The following TOPORS variants were observed in gnomAD, a reference collection of about 807,000 sequenced individuals.
The protein encoded by TOPORS is E3 ubiquitin-protein ligase Topors.
Under a neutral mutation model 81.4 loss-of-function variants are expected in TOPORS, and 25 were observed. That is an observed-to-expected ratio of 0.31 (90% confidence interval 0.22 to 0.43). TOPORS has a LOEUF of 0.43. Among genes scored for constraint, TOPORS ranks in the 20% least tolerant of loss-of-function variants. The probability of loss-of-function intolerance (pLI) is 1.00; values close to 1 mark genes in which losing one functional copy is unlikely to be tolerated. For missense variants in TOPORS, 1,101 were observed against 1,267.0 expected, an observed-to-expected ratio of 0.87 and a Z score of 1.99; for synonymous variants, 473 against 456.6, an observed-to-expected ratio of 1.04 and a Z score of -0.46.
chr9:32,551,909 T>C (rs1821276908), intron 1 of TOPORS: 2 of 351,780 alleles, frequency 5.7e-6, no homozygotes, highest in African/African-American at 2.1e-5. Flanking sequence ...TTGTCACATA[T>C]AAAAGAGTGG....
Position 32,540,789 on chromosome 9 carries a change from ACT to A in TOPORS, c.*596_*597del, listed in dbSNP as rs1397985580. 2.6e-5 allele frequency: 4 copies of A among 152,626 alleles called. No individual in the cohort carries two copies. Among genetic ancestry groups the A allele is most frequent in the African/African-American group, 9.6e-5 (4 of 41,464 alleles). 9.5% of individuals were successfully genotyped at this position (152,626 alleles called of 1,614,324 possible). A position where few individuals can be genotyped will look rare whatever the true frequency, so the allele number is the denominator to read the frequency against. The stretch of plus-strand genomic sequence containing the variant: ...TGTCTGATTCTTGTTTTAAAGTGTT[ACT>A]GTTTTATTTTTTTTCTTTTGTTGAA... On this transcript the variant is annotated 3_prime_UTR_variant, in exon 3 of 3. Coordinates refer to ENST00000360538, the MANE Select transcript of TOPORS (RefSeq NM_005802.5).
At chr9:32,545,067 T>TA (rs1312610809) in intron 2 of TOPORS, among the ~76,000 whole-genome samples, 3 of 152,228 alleles carry the variant, frequency 2.0e-5, no homozygotes, top group African/African-American at 7.2e-5. Flanking sequence ...AAGCTAATTT[T>TA]AAAAAGGGAG....
chr9:32,550,977 C>T lies in TOPORS; in HGVS notation c.4-9G>A, dbSNP rs1377699704. 6.2e-7 allele frequency: 1 copy of T among 1,609,232 alleles called. No homozygotes were observed. The highest frequency in any genetic ancestry group is 8.5e-7 in the Non-Finnish European group (1 of 1,179,760). On this transcript the variant is annotated splice_polypyrimidine_tract_variant and intron_variant, in intron 1 of 2. Coordinates refer to ENST00000360538, the MANE Select transcript of TOPORS (RefSeq NM_005802.5). ...AGCGGCGGCTGCGACCCCTGTGACG[C>T]AAAGGGCTCATCACCAATGGCAGCT...
Position 32,552,476 on chromosome 9 carries a change from A to G in TOPORS, c.-40T>C, listed in dbSNP as rs2118988245. ...GTCGCACGCTGGACTGGATTTATTC[A>G]GTGGTAAGTCCCGGGGATCGCGGGC... is the stretch of plus-strand genomic sequence containing the variant. On this transcript the variant is annotated 5_prime_UTR_variant, in exon 1 of 3. Transcript: ENST00000360538. 1.3e-6 allele frequency: 2 copies of G among 1,597,258 alleles called. No individual in the cohort carries two copies. Among genetic ancestry groups the G allele is most frequent in the Non-Finnish European group, 1.7e-6 (2 of 1,172,462 alleles).
rs1821075710 is a variant in TOPORS at position 32,542,215 on chromosome 9, C to T, written c.2310G>A (p.Arg770=). The T allele has an allele frequency of 6.2e-7, 1 of 1,614,198 alleles. No individual in the cohort carries two copies. The highest frequency in any genetic ancestry group is 2.2e-5 in the East Asian group (1 of 44,884). The change falls in exon 3 of 3, where the codon AGG becomes AGA. Residue 770 remains arginine, a synonymous_variant. Coordinates refer to ENST00000360538, the MANE Select transcript of TOPORS (RefSeq NM_005802.5). ...TCCTTGATCTGTTACTAGACAGGCT[C>T]CTTGATCTGTGCCTTTCATAGTAGT... ...KYYYYERHRS[R]SLSSNRSRTA...
At chr9:32,552,166 T>TCTC (rs35002468) in intron 1 of TOPORS, 331,598 of 564,402 alleles carry the variant, frequency 0.59, 99,574 homozygotes, top group Middle Eastern at 0.68. Flanking sequence ...GCCTATCTCC[T>TCTC]TAGTTGGCAA....
Position 32,541,553 on chromosome 9 carries a change from G to A in TOPORS, c.2972C>T (p.Ser991Leu), listed in dbSNP as rs1821058867. 6.2e-7 allele frequency: 1 copy of A among 1,614,088 alleles called. No homozygotes were observed. Among genetic ancestry groups the A allele is most frequent in the African/African-American group, 1.3e-5 (1 of 74,948 alleles). ...TCTTACATCGAGAGTTTGTTCAACT[G>A]AAGCTGCCAGAGGTGGAATATTATC... Reference protein sequence around the residue: ...TVDNIPPLAASVEQTLDVREE... With the variant: ...TVDNIPPLAALVEQTLDVREE... The change falls in exon 3 of 3, where the codon TCA becomes TTA. Residue 991 changes from serine (S) to leucine (L), a missense_variant. By Grantham distance (145) the Ser-to-Leu change is moderately radical (BLOSUM62 -2). This residue lies in a region of TOPORS where 605 missense variants were observed against 636.1 expected (regional missense o/e 0.95). Coordinates refer to ENST00000360538, the MANE Select transcript of TOPORS (RefSeq NM_005802.5).
chr9:32,547,501 G>A (rs1246466498), intron 2 of TOPORS, among the ~76,000 whole-genome samples: 1 of 152,088 alleles, frequency 6.6e-6, no homozygotes, highest in African/African-American at 2.4e-5. Context: ...TCCACACTAT[G>A]GAATTTTATT....
chr9:32,547,710 T>A (rs1821158323), intron 2 of TOPORS, among the ~76,000 whole-genome samples: 1 of 152,242 alleles, frequency 6.6e-6, no homozygotes, highest in Non-Finnish European at 1.5e-5. Context: ...AGAGGTTTAT[T>A]TCTGGGGTGA....
chr9:32,552,213 G>T lies in TOPORS; in HGVS notation c.3+221C>A, dbSNP rs769905266. ...AAAAAGCAATTTTTAACATTTTCTC[G>T]TTTATTCCCCTCTCTAAAAGGCGGG... On this transcript the variant is annotated intron_variant, in intron 1 of 2. Coordinates refer to ENST00000360538, the MANE Select transcript of TOPORS (RefSeq NM_005802.5). 4.5e-5 allele frequency: 27 copies of T among 600,814 alleles called. No individual in the cohort carries two copies. In the African/African-American group the frequency reaches 4.9e-4, roughly 11 times the overall value. 37.2% of individuals were successfully genotyped at this position (600,814 alleles called of 1,614,324 possible).
chr9:32,552,088 T>C (rs1032448373), intron 1 of TOPORS: 20 of 490,922 alleles, frequency 4.1e-5, no homozygotes. Context: ...AACTTTTAAA[T>C]GGACACGACA....
chr9:32,551,770 CAACA>C (rs761137693), intron 1 of TOPORS: 36 of 450,916 alleles, frequency 8.0e-5, no homozygotes, highest in Middle Eastern at 3.3e-4. Context: ...CAGACACGCT[CAACA>C]AACACTTGTT....
Position 32,542,729 on chromosome 9 carries a change from C to T in TOPORS, c.1796G>A (p.Ser599Asn), listed in dbSNP as rs775261319. The T allele has an allele frequency of 8.1e-6, 13 of 1,613,898 alleles. No individual in the cohort carries two copies. In the African/African-American group the frequency reaches 1.7e-4, roughly 22 times the overall value. The stretch of plus-strand genomic sequence containing the variant: ...TCTACTCTGAGAACGTGAATCTGAA[C>T]TTCTTGATCTTCCCCTCTTTCTGTG... ...HRHRKRGRSR[S>N]SDSRSQSRSG... Residue 599 changes from serine (S) to asparagine (N), a missense_variant, in exon 3 of 3, where the codon AGT becomes AAT. By Grantham distance (46) the Ser-to-Asn change is conservative. Transcript: ENST00000360538.
chr9:32,551,646 C>T (rs1341752038), intron 1 of TOPORS: 2 of 285,374 alleles, frequency 7.0e-6, no homozygotes, highest in East Asian at 1.6e-4. Flanking sequence ...AGATTCTACT[C>T]CTCAGGCCTC....
In TOPORS at chr9:32,550,960, C is replaced by G. The variant is rs1295391960; in HGVS notation, c.12G>C (p.Gln4His). MGSQPPLGSPLSRE... is the reference protein window; with the variant it reads MGSHPPLGSPLSRE... ...GAGACAGCGGAGACCCCAGCGGCGG[C>G]TGCGACCCCTGTGACGCAAAGGGCT... Residue 4 changes from glutamine to histidine, a missense_variant, in exon 2 of 3, where the codon CAG (glutamine) becomes CAC (histidine). By Grantham distance (24) the Gln-to-His change is conservative (BLOSUM62 0). Around this residue, in one of 9 missense-constraint regions of TOPORS, gnomAD observed 131 missense variants for 101.0 expected, o/e 1.30. Coordinates refer to ENST00000360538, the MANE Select transcript of TOPORS (RefSeq NM_005802.5). 2 of 1,610,552 alleles carry G rather than the reference C, an allele frequency of 1.2e-6. No homozygotes were observed. Among genetic ancestry groups the G allele is most frequent in the Non-Finnish European group, 1.7e-6 (2 of 1,179,764 alleles).
At chr9:32,546,465 C>T (rs752174493) in intron 2 of TOPORS, among the ~76,000 whole-genome samples, 3 of 152,108 alleles carry the variant, frequency 2.0e-5, no homozygotes, top group Non-Finnish European at 2.9e-5. Context: ...TGAAGAAAAC[C>T]ACATTACTCT....
chr9:32,550,912 C>T lies in TOPORS; in HGVS notation c.60G>A (p.Pro20=), dbSNP rs755793645. The T allele has an allele frequency of 3.1e-6, 5 of 1,612,842 alleles. No individual in the cohort carries two copies. Among genetic ancestry groups the T allele is most frequent in the Non-Finnish European group, 4.2e-6 (5 of 1,179,822 alleles). The change falls in exon 2 of 3, where the codon CCG becomes CCA. Residue 20 remains proline (P), a synonymous_variant. Coordinates refer to ENST00000360538, the MANE Select transcript of TOPORS (RefSeq NM_005802.5). ...PLSREEGEAP[P]PAPASEGRRR... Reference sequence around the variant, plus strand: ...GCCTACCCTCCGAAGCGGGAGCAGGCGGGGGCGCTTCACCCTCCTCGCGAG... The same window carrying T: ...GCCTACCCTCCGAAGCGGGAGCAGGTGGGGGCGCTTCACCCTCCTCGCGAG...
At chr9:32,549,520 TTG>T (rs771066015) in intron 2 of TOPORS, among the ~76,000 whole-genome samples, 26 of 152,150 alleles carry the variant, frequency 1.7e-4, no homozygotes, top group Non-Finnish European at 3.2e-4. Flanking sequence ...GAAAAGGTGG[TTG>T]TGTGACGGGA....
In TOPORS at chr9:32,552,576, A is replaced by G. The variant is rs1821319095; in HGVS notation, c.-140T>C. On this transcript the variant is annotated 5_prime_UTR_variant, in exon 1 of 3. The change abolishes an upstream ATG in the 5' untranslated region. Coordinates refer to ENST00000360538, the MANE Select transcript of TOPORS (RefSeq NM_005802.5). ...TCAGCACCCAGAAACTCCAAAATCCATTCCTGAATTAAGCATTTCACTCCC... is the reference window on the plus strand; with the variant it reads ...TCAGCACCCAGAAACTCCAAAATCCGTTCCTGAATTAAGCATTTCACTCCC... 1 of 1,070,668 alleles carries G rather than the reference A, an allele frequency of 9.3e-7. No homozygotes were observed. Among genetic ancestry groups the G allele is most frequent in the Non-Finnish European group, 1.4e-6 (1 of 710,602 alleles). The allele number at this position is 1,070,668 out of a possible 1,614,324, so 66.3% of individuals were successfully genotyped here.
Sources: gnomAD v4.1 joint callset for allele counts (sites outside exome capture counted in the v4.1 genomes callset) on GRCh38, gnomAD v4.1.1 for gene constraint, gnomAD v4.1.1 regional missense constraint, MANE v1.5 for transcripts, NCBI Gene and HGNC (gene_info 2026-07-23, HGNC 2026-07-21) for gene names.